The following B3GALNT1 variants were observed in gnomAD, a reference collection of about 807,000 sequenced individuals.
The protein encoded by B3GALNT1 is beta-1,3-N-acetylgalactosaminyltransferase 1 (Globoside blood group), also known as UDP-GalNAc:beta-1,3-N-acetylgalactosaminyltransferase 1.
Under a neutral mutation model 27.3 loss-of-function variants are expected in B3GALNT1, and 17 were observed. The ratio of observed to expected loss-of-function variants is 0.62; its 90% CI spans 0.43 to 0.94. The LOEUF is 0.94. Ranked by LOEUF, B3GALNT1 falls within the 40% of genes least tolerant of loss-of-function variation. The pLI, the probability that B3GALNT1 is intolerant of heterozygous loss-of-function variation, is 0.00. For missense variants in B3GALNT1, 347 were observed against 390.0 expected, an observed-to-expected ratio of 0.89 and a Z score of 0.93; for synonymous variants, 141 against 144.0, an observed-to-expected ratio of 0.98 and a Z score of 0.15.
In B3GALNT1 at chr3:161,084,538, G is replaced by C. The variant is rs1339055893; in HGVS notation, c.*1221C>G. On this transcript the variant is annotated 3_prime_UTR_variant, in exon 5 of 5. Transcript: ENST00000320474. ...AGAAAACTGCATAAACCCAGGAACA[G>C]GGGGCAAGGAGTGCTCCCCTTTGAC... is the stretch of plus-strand genomic sequence containing the variant. 1 of 152,134 alleles carries C rather than the reference G, an allele frequency of 6.6e-6. No homozygotes were observed. Among genetic ancestry groups the C allele is most frequent in the Non-Finnish European group, 1.5e-5 (1 of 68,008 alleles). The allele number at this position is 152,134 out of a possible 1,614,324, so 9.4% of individuals were successfully genotyped here.
In B3GALNT1 at chr3:161,088,337, GTA is replaced by G. The variant is rs368946290; in HGVS notation, c.-34-1551_-34-1550del. On this transcript the variant is annotated intron_variant, in intron 4 of 4. Coordinates refer to ENST00000320474, the MANE Select transcript of B3GALNT1 (RefSeq NM_003781.4). The stretch of plus-strand genomic sequence containing the variant: ...CAAACTCTCTCCAGTTTGGTTCCAC[GTA>G]TATGTGTCTTGCCTCTCCACTTACA... Among the ~76,000 whole-genome samples the G allele has an allele frequency of 2.3e-4, 35 of 152,290 alleles. No homozygotes were observed. The South Asian group carries it at 4.8e-3, about 21-fold the overall frequency.
At chr3:161,092,767 T>TC (rs1406591105) in intron 4 of B3GALNT1, among the ~76,000 whole-genome samples, 2 of 140,556 alleles carry the variant, frequency 1.4e-5, no homozygotes, top group Admixed American at 7.0e-5. Flanking sequence ...ATTTTTCTTT[T>TC]TTTTTTTTTT....
At chr3:161,092,890 G>C (rs1362647995) in intron 4 of B3GALNT1, among the ~76,000 whole-genome samples, 1 of 150,178 alleles carries the variant, frequency 6.7e-6, no homozygotes, top group African/African-American at 2.5e-5. Context: ...CGCCTGAGTA[G>C]CTGGGACTAC....
rs1258257520 is a variant in B3GALNT1, at chr3:161,096,184, G to GTA, written c.-35+4953_-35+4954dup. 2.6e-5 allele frequency among the ~76,000 whole-genome samples: 4 copies of GTA among 152,240 alleles called. No homozygotes were observed. In the South Asian group the frequency reaches 8.3e-4, roughly 32 times the overall value. On this transcript the variant is annotated intron_variant, in intron 4 of 4. Coordinates refer to ENST00000320474, the MANE Select transcript of B3GALNT1 (RefSeq NM_003781.4). ...TTGGTAATGTACTTTTATCCACTTA[G>GTA]TAAATATTCCTAAGAATAAGCTGAA...
intron 4 of B3GALNT1, among the ~76,000 whole-genome samples, chr3:161,099,691 T>C (rs1453906672): frequency 1.3e-5 from 2 of 152,160 alleles, no homozygotes; most frequent in Non-Finnish European, 2.9e-5. Context: ...TTGCACACTG[T>C]GTCCCCAGCA....
At chr3:161,092,521 A>G (rs1396534504) in intron 4 of B3GALNT1, among the ~76,000 whole-genome samples, 2 of 152,194 alleles carry the variant, frequency 1.3e-5, no homozygotes, top group Non-Finnish European at 2.9e-5. Flanking sequence ...AAAGGGGGAA[A>G]AAAACACTGG....
chr3:161,093,263 T>C (rs1258170140), intron 4 of B3GALNT1, among the ~76,000 whole-genome samples: 1 of 152,222 alleles, frequency 6.6e-6, no homozygotes, highest in Non-Finnish European at 1.5e-5. Flanking sequence ...ATTACACATT[T>C]ATGCATGTAT....
intron 3 of B3GALNT1, 110 bp from the exon 4 acceptor site, chr3:161,101,343 G>C (rs1217899591): frequency 5.8e-6 from 3 of 520,114 alleles, no homozygotes; most frequent in Non-Finnish European, 1.0e-5. Context: ...ACTGGAGGAA[G>C]AGTATCGGGG....
At chr3:161,105,060 C>T (rs1190553328) in intron 1 of B3GALNT1, 175 bp downstream of exon 1, 1 of 152,226 alleles carries the variant, frequency 6.6e-6, no homozygotes, top group African/African-American at 2.4e-5. Context: ...GCGGCTCAAC[C>T]TGGGCCACGC....
chr3:161,100,712 C>T (rs1442672710), intron 4 of B3GALNT1, among the ~76,000 whole-genome samples: 1 of 152,062 alleles, frequency 6.6e-6, no homozygotes. Context: ...AGCAGCAGGA[C>T]TTTAGAAGGA....
rs1244469105 is a variant in B3GALNT1, at chr3:161,086,111, T to C, written c.644A>G (p.Tyr215Cys). The C allele has an allele frequency of 1.2e-6, 2 of 1,605,526 alleles. No homozygotes were observed. The highest frequency in any genetic ancestry group is 1.7e-6 in the Non-Finnish European group (2 of 1,176,450). The part of the protein sequence containing the change: ...TGYPLIDNYS[Y>C]RGFYQKTHIS... ...ATGGGTTTTTTGGTAAAATCCTCTA[T>C]AGGAATAATTATCAATTAGAGGATA... is the stretch of plus-strand genomic sequence containing the variant. The change falls in exon 5 of 5, where the codon TAT becomes TGT. Residue 215 changes from tyrosine to cysteine, a missense_variant. Coordinates refer to ENST00000320474, the MANE Select transcript of B3GALNT1 (RefSeq NM_003781.4).
rs1249994781 is a variant in B3GALNT1 at position 161,101,144 on chromosome 3, C to T, written c.-40G>A. ...TGCAGCAGAAGCAGACACACCTTTACACTCGGGGTGAGTAGTCGGAGAGCA... is the reference window on the plus strand; with the variant it reads ...TGCAGCAGAAGCAGACACACCTTTATACTCGGGGTGAGTAGTCGGAGAGCA... On this transcript the variant is annotated 5_prime_UTR_variant, in exon 4 of 5. Coordinates refer to ENST00000320474, the MANE Select transcript of B3GALNT1 (RefSeq NM_003781.4). 2 of 1,289,658 alleles carry T rather than the reference C, an allele frequency of 1.6e-6. No homozygotes were observed. Among genetic ancestry groups the T allele is most frequent in the Admixed American group, 2.3e-5 (1 of 43,564 alleles). 79.9% of individuals were successfully genotyped at this position (1,289,658 alleles called of 1,614,324 possible).
intron 4 of B3GALNT1, among the ~76,000 whole-genome samples, chr3:161,100,788 C>T (rs1730836949): frequency 6.6e-6 from 1 of 151,712 alleles, no homozygotes; most frequent in East Asian, 1.9e-4. Context: ...ACATAAAAAT[C>T]ACTCTTAATA....
chr3:161,094,398 T>C (rs1726973844), intron 4 of B3GALNT1, among the ~76,000 whole-genome samples: 1 of 152,146 alleles, frequency 6.6e-6, no homozygotes, highest in Non-Finnish European at 1.5e-5. Flanking sequence ...AAAAACATAC[T>C]GGACGTCACT....
At chr3:161,103,548 G>C in intron 2 of B3GALNT1, 31 bp from the exon 3 acceptor site, 2 of 913,530 alleles carry the variant, frequency 2.2e-6, no homozygotes, top group Non-Finnish European at 3.0e-6. Context: ...AAATATATAT[G>C]AGTCATAACA....
intron 4 of B3GALNT1, among the ~76,000 whole-genome samples, chr3:161,099,769 A>G (rs760184579): frequency 1.1e-4 from 16 of 152,062 alleles, no homozygotes; most frequent in Non-Finnish European, 1.6e-4. Flanking sequence ...GTGCTAACAG[A>G]AACTCTACAA....
chr3:161,102,325 C>T (rs930856156), intron 3 of B3GALNT1, among the ~76,000 whole-genome samples: 10 of 152,096 alleles, frequency 6.6e-5, no homozygotes. Flanking sequence ...TCTTTTAGTT[C>T]CTTAATGTCT....
intron 4 of B3GALNT1, among the ~76,000 whole-genome samples, chr3:161,087,430 T>C (rs1038983018): frequency 3.3e-5 from 5 of 152,236 alleles, no homozygotes; most frequent in Non-Finnish European, 5.9e-5. Context: ...ACACTGACTA[T>C]GAAACAGCTT....
At position 161,086,425 on chromosome 3, in the gene B3GALNT1, A is replaced by C. The variant is rs112620939; in HGVS notation, c.330T>G (p.Tyr110Ter). Reference sequence around the variant, plus strand: ...CTAATAAGAAAAATGTAAGAACCTCATATCCCCACCAAGACTTTTTTTCAC... The same window carrying C: ...CTAATAAGAAAAATGTAAGAACCTCCTATCCCCACCAAGACTTTTTTTCAC... ...TWGEKKSWWGYEVLTFFLLGQ... is the reference protein window; with the variant it reads ...TWGEKKSWWG The change falls in exon 5 of 5, where the codon TAT becomes TAG. Residue 110 changes from tyrosine (Y) to a stop codon, truncating the protein, a stop_gained. Transcript: ENST00000320474. LOFTEE classifies it high-confidence loss of function. 1 of 1,613,934 alleles carries C rather than the reference A, an allele frequency of 6.2e-7. No individual in the cohort carries two copies. Among genetic ancestry groups the C allele is most frequent in the South Asian group, 1.1e-5 (1 of 91,080 alleles).
Sources: gnomAD v4.1 joint callset for allele counts (sites outside exome capture counted in the v4.1 genomes callset) on GRCh38, gnomAD v4.1.1 for gene constraint, MANE v1.5 for transcripts, NCBI Gene and HGNC (gene_info 2026-07-23, HGNC 2026-07-21) for gene names.